DHRS1: variants seen among roughly 807,000 people sequenced by gnomAD.
The protein encoded by DHRS1 is dehydrogenase/reductase SDR family member 1.
Under a neutral mutation model 35.2 loss-of-function variants are expected in DHRS1, and 34 were observed. The ratio of observed to expected loss-of-function variants is 0.97; its 90% CI spans 0.74 to 1.29. The LOEUF (loss-of-function observed/expected upper bound fraction) is 1.29. DHRS1 is among the 50% of genes most tolerant of loss of function. The pLI, the probability that DHRS1 is intolerant of heterozygous loss-of-function variation, is 0.00. For missense variants in DHRS1, 354 were observed against 403.6 expected (o/e 0.88, Z 1.05); for synonymous variants, 133 against 160.0 (o/e 0.83, Z 1.27).
chr14:24,298,870 T>A, intron 2 of DHRS1, 87 bp downstream of exon 2: 1 of 1,398,382 alleles, frequency 7.2e-7, no homozygotes, highest in Non-Finnish European at 9.7e-7. Context: ...TATTATAGTT[T>A]CAGGTAAGGG....
chr14:24,299,231 G>A (rs2041322283), intron 1 of DHRS1, 101 bp from the exon 2 acceptor site: 5 of 1,156,828 alleles, frequency 4.3e-6, no homozygotes, highest in Non-Finnish European at 5.9e-6. Context: ...CTAAGAGGAG[G>A]AGCCAAGGTA....
chr14:24,298,713 G>T, intron 2 of DHRS1: 1 of 437,974 alleles, frequency 2.3e-6, no homozygotes, highest in Non-Finnish European at 4.1e-6. Flanking sequence ...AGTAGCTGCT[G>T]GGACTGCAGG....
rs1775735822 is a variant in DHRS1 at position 24,294,828 on chromosome 14, T to G, written c.374+1681A>C. On this transcript the variant is annotated intron_variant, in intron 4 of 8. Transcript: ENST00000288111. The stretch of plus-strand genomic sequence containing the variant: ...GACAAATAGTGGAAGAAGTATGAAT[T>G]AAAACCCCTTTATATATTTTCGGCT... 2.0e-5 allele frequency among the ~76,000 whole-genome samples: 3 copies of G among 152,300 alleles called. No individual in the cohort carries two copies. The South Asian group carries it at 6.2e-4, about 32-fold the overall frequency.
chr14:24,291,370 TC>T, intron 7 of DHRS1, 151 bp from the exon 8 acceptor site: 4 of 1,066,088 alleles, frequency 3.8e-6, no homozygotes, highest in Non-Finnish European at 5.7e-6. Flanking sequence ...TTTCCACACT[TC>T]CCAGGAGCCT....
intron 7 of DHRS1, 33 bp downstream of exon 7, chr14:24,291,523 C>A: frequency 6.2e-7 from 1 of 1,610,854 alleles, no homozygotes; most frequent in Non-Finnish European, 8.5e-7. Flanking sequence ...TCCTCCATGC[C>A]CTTTCTTATT....
chr14:24,296,902 T>C (rs1260650520), intron 2 of DHRS1, 21 bp from the exon 3 acceptor site: 1 of 1,614,028 alleles, frequency 6.2e-7, no homozygotes, highest in Non-Finnish European at 8.5e-7. Context: ...ACAGGGGATA[T>C]GAGCTCACAT....
intron 1 of DHRS1, 171 bp from the exon 2 acceptor site, chr14:24,299,301 G>A: frequency 1.7e-6 from 1 of 594,304 alleles, no homozygotes; most frequent in East Asian, 2.9e-5. Context: ...CTGAGGACAA[G>A]GCTGACTGTC....
intron 1 of DHRS1, 179 bp downstream of exon 1, chr14:24,299,402 T>G: frequency 3.4e-6 from 1 of 297,842 alleles, no homozygotes; most frequent in Non-Finnish European, 6.3e-6. Flanking sequence ...GCTGCCTGGA[T>G]ATGGGAATCT....
chr14:24,294,940 T>A (rs536167071), intron 4 of DHRS1, among the ~76,000 whole-genome samples: 1 of 152,178 alleles, frequency 6.6e-6, no homozygotes, highest in South Asian at 2.1e-4. Context: ...TTCCCCTTCA[T>A]TGTCTTGATA....
intron 1 of DHRS1, chr14:24,299,337 A>AG (rs2139109347): frequency 1.9e-6 from 1 of 524,844 alleles, no homozygotes; most frequent in East Asian, 3.1e-5. Flanking sequence ...AGAGTGAAGA[A>AG]GGGGCTGAGT....
At chr14:24,294,196 A>G (rs2041209245) in intron 4 of DHRS1, 1 of 152,266 alleles carries the variant, frequency 6.6e-6, no homozygotes, top group Admixed American at 6.5e-5. Flanking sequence ...TCACACCAAG[A>G]CAGAAACTAT....
chr14:24,292,256 C>T lies in DHRS1; in HGVS notation c.582G>A (p.Gly194=), dbSNP rs1361153527. 2 of 1,614,070 alleles carry T rather than the reference C, an allele frequency of 1.2e-6. No individual in the cohort carries two copies. Among genetic ancestry groups the T allele is most frequent in the Admixed American group, 1.7e-5 (1 of 60,010 alleles). The change falls in exon 6 of 9, where the codon GGG becomes GGA. Residue 194 remains glycine, a synonymous_variant. Coordinates refer to ENST00000288111, the MANE Select transcript of DHRS1 (RefSeq NM_001136050.3). ...CCTTCAGCAGTTCTGTCTGCACAAT[C>T]CCCGGCCACAGAGACACACAGCTGA... The part of the protein sequence containing the change: ...HGVSCVSLWP[G]IVQTELLKEH...
At position 24,299,693 on chromosome 14, in the gene DHRS1, T is replaced by G; in HGVS notation, c.-137A>C. 2.2e-6 allele frequency: 1 copy of G among 444,732 alleles called. No individual in the cohort carries two copies. Among genetic ancestry groups the G allele is most frequent in the South Asian group, 4.7e-5 (1 of 21,470 alleles). 27.5% of individuals were successfully genotyped at this position (444,732 alleles called of 1,614,324 possible). A position where few individuals can be genotyped will look rare whatever the true frequency, so the allele number is the denominator to read the frequency against. The stretch of plus-strand genomic sequence containing the variant: ...AGGCAGTGTTCAAGGATTGATTCTG[T>G]AGTAGGACCCGGGGCGATTCTGTGC... On this transcript the variant is annotated 5_prime_UTR_variant, in exon 1 of 9. Coordinates refer to ENST00000288111, the MANE Select transcript of DHRS1 (RefSeq NM_001136050.3).
chr14:24,291,424 T>C (rs912177251), intron 7 of DHRS1, 132 bp downstream of exon 7: 4 of 1,139,704 alleles, frequency 3.5e-6, no homozygotes, highest in Middle Eastern at 2.7e-4. Flanking sequence ...TGCTGACCCC[T>C]TGGGCCTCAA....
At chr14:24,297,412 C>T (rs530377589) in intron 2 of DHRS1, among the ~76,000 whole-genome samples, 1 of 152,288 alleles carries the variant, frequency 6.6e-6, no homozygotes, top group South Asian at 2.1e-4. Flanking sequence ...TCTACAAATG[C>T]CCACAAACCT....
Position 24,299,732 on chromosome 14 carries a change from C to CAG in DHRS1, c.-178_-177dup. Reference sequence around the variant, plus strand: ...GCGATTCTGTGCTGAGGTAGAGGGGCAGAGTCCCAGGCCAAAGTTAGAACC... The same window carrying CAG: ...GCGATTCTGTGCTGAGGTAGAGGGGCAGAGAGTCCCAGGCCAAAGTTAGAACC... On this transcript the variant is annotated 5_prime_UTR_variant, in exon 1 of 9. Transcript: ENST00000288111. 1 of 513,214 alleles carries CAG rather than the reference C, an allele frequency of 1.9e-6. No individual in the cohort carries two copies. Among genetic ancestry groups the CAG allele is most frequent in the Non-Finnish European group, 3.4e-6 (1 of 292,546 alleles). 31.8% of individuals were successfully genotyped at this position (513,214 alleles called of 1,614,324 possible). A position where few individuals can be genotyped will look rare whatever the true frequency, so the allele number is the denominator to read the frequency against.
chr14:24,291,350 C>A (rs2041154824), intron 7 of DHRS1, 131 bp from the exon 8 acceptor site: 1 of 1,148,160 alleles, frequency 8.7e-7, no homozygotes, highest in East Asian at 2.4e-5. Flanking sequence ...TTCTCTTGGG[C>A]CTTGGACTTT....
chr14:24,297,910 C>T (rs1194959348), intron 2 of DHRS1, among the ~76,000 whole-genome samples: 2 of 152,224 alleles, frequency 1.3e-5, no homozygotes, highest in Non-Finnish European at 2.9e-5. Context: ...TAGCCACTCT[C>T]CTATGTCATC....
At chr14:24,294,949 T>C (rs1469637389) in intron 4 of DHRS1, among the ~76,000 whole-genome samples, 2 of 152,098 alleles carry the variant, frequency 1.3e-5, no homozygotes, top group African/African-American at 2.4e-5. Context: ...ATTGTCTTGA[T>C]ATAAAAAATT....
Sources: allele counts gnomAD v4.1 joint callset (sites outside exome capture counted in the v4.1 genomes callset), GRCh38; gene constraint gnomAD v4.1.1; transcripts MANE v1.5; gene names NCBI Gene and HGNC (gene_info 2026-07-23, HGNC 2026-07-21).